SUGCT: variants seen among roughly 807,000 people sequenced by gnomAD.
SUGCT encodes the protein succinyl-CoA:glutarate-CoA transferase, also known as succinyl-CoA:glutarate CoA-transferase.
In SUGCT, 41 loss-of-function variants were observed where a neutral mutation model predicts 55.0. The ratio of observed to expected loss-of-function variants is 0.74; its 90% CI spans 0.58 to 0.97. The LOEUF (loss-of-function observed/expected upper bound fraction) is 0.97, where lower values mean the gene tolerates loss of function less well. Ranked by LOEUF, SUGCT falls within the 50% of genes least tolerant of loss-of-function variation. The probability of loss-of-function intolerance (pLI) is 0.00; values close to 1 mark genes in which losing one functional copy is unlikely to be tolerated. For missense variants in SUGCT, 568 were observed against 547.8 expected, an observed-to-expected ratio of 1.04 and a Z score of -0.37; for synonymous variants, 187 against 200.4, an observed-to-expected ratio of 0.93 and a Z score of 0.56.
chr7:40,942,443 T>G, the SUGCT span, among the ~76,000 whole-genome samples: 2 of 152,168 alleles, frequency 1.3e-5, no homozygotes, highest in South Asian at 4.1e-4. Context: ...GCTAGTCTGG[T>G]AGGTTTTCCT....
chr7:40,930,133 A>C, the SUGCT span, among the ~76,000 whole-genome samples: 1 of 152,172 alleles, frequency 6.6e-6, no homozygotes, highest in South Asian at 2.1e-4. Context: ...TCAGCTTTCT[A>C]CATATGGCTA....
At chr7:40,768,596 T>C (rs892575858) in intron 13 of SUGCT, among the ~76,000 whole-genome samples, 3 of 152,110 alleles carry the variant, frequency 2.0e-5, no homozygotes, top group African/African-American at 7.2e-5. Flanking sequence ...ACATGACCAA[T>C]AGCAAACGTT....
chr7:41,009,323 A>C, the SUGCT span, among the ~76,000 whole-genome samples: 1 of 152,146 alleles, frequency 6.6e-6, no homozygotes, highest in South Asian at 2.1e-4. Context: ...TGATTTTTAT[A>C]CCCAGGGCTC....
intron 12 of SUGCT, among the ~76,000 whole-genome samples, chr7:40,675,268 A>C (rs79590460): frequency 0.012 from 1,766 of 152,240 alleles, 34 homozygotes; most frequent in African/African-American, 0.04. Context: ...CATGTTGGCC[A>C]GTCTAGTCTC....
At chr7:40,699,350 G>A (rs555286119) in intron 12 of SUGCT, among the ~76,000 whole-genome samples, 1 of 152,242 alleles carries the variant, frequency 6.6e-6, no homozygotes, top group South Asian at 2.1e-4. Context: ...GTAGGTTTGT[G>A]TGTGCAGATG....
intron 9 of SUGCT, among the ~76,000 whole-genome samples, chr7:40,355,659 A>T (rs1307373336): frequency 1.3e-5 from 2 of 152,232 alleles, no homozygotes; most frequent in African/African-American, 4.8e-5. Flanking sequence ...ATAATTTAGT[A>T]TTATTTATAA....
At chr7:40,585,464 T>C (rs1449926229) in intron 12 of SUGCT, among the ~76,000 whole-genome samples, 3 of 152,158 alleles carry the variant, frequency 2.0e-5, no homozygotes, top group Non-Finnish European at 4.4e-5. Flanking sequence ...TTGAGACAAA[T>C]CTAGGAAGAA....
intron 13 of SUGCT, among the ~76,000 whole-genome samples, chr7:40,773,429 G>T (rs1309963634): frequency 6.6e-6 from 1 of 152,112 alleles, no homozygotes; most frequent in East Asian, 1.9e-4. Context: ...GTGCCCGGCC[G>T]TATCTTTTTA....
chr7:40,941,332 C>T, the SUGCT span, among the ~76,000 whole-genome samples: 14 of 152,024 alleles, frequency 9.2e-5, no homozygotes, highest in East Asian at 2.7e-3. Flanking sequence ...CATTGTCAAC[C>T]CCAAAATCAC....
At chr7:40,265,819 C>A (rs1176199269) in intron 7 of SUGCT, among the ~76,000 whole-genome samples, 1 of 152,116 alleles carries the variant, frequency 6.6e-6, no homozygotes, top group Admixed American at 6.6e-5. Context: ...GGCATGATGG[C>A]ATGTGCCTGT....
intron 8 of SUGCT, among the ~76,000 whole-genome samples, chr7:40,283,093 A>G (rs1296512840): frequency 6.6e-6 from 1 of 152,210 alleles, no homozygotes; most frequent in Admixed American, 6.5e-5. Flanking sequence ...CAGAGTGAAG[A>G]GACAACTTAC....
chr7:40,147,891 C>T (rs1469099620), intron 1 of SUGCT, among the ~76,000 whole-genome samples: 1 of 152,202 alleles, frequency 6.6e-6, no homozygotes, highest in African/African-American at 2.4e-5. Flanking sequence ...TAATTCTCAG[C>T]AAGGCAATGT....
chr7:40,952,383 C>A, the SUGCT span, among the ~76,000 whole-genome samples: 1 of 152,170 alleles, frequency 6.6e-6, no homozygotes, highest in Admixed American at 6.5e-5. Context: ...ATACAGCACA[C>A]TGATAGATCT....
rs1267593841 is a variant in SUGCT at position 40,690,452 on chromosome 7, T to C, written c.1090-58982T>C. Among the ~76,000 whole-genome samples the C allele has an allele frequency of 2.6e-5, 4 of 152,188 alleles. No homozygotes were observed. In the East Asian group the frequency reaches 7.7e-4, roughly 29 times the overall value. On this transcript the variant is annotated intron_variant, in intron 12 of 13. Coordinates refer to ENST00000335693, the MANE Select transcript of SUGCT (RefSeq NM_001193313.2). ...TGTTAATTATTGCCCAATACATTAA[T>C]TATATTAATAGGTATATTATGCTTA...
intron 7 of SUGCT, among the ~76,000 whole-genome samples, chr7:40,254,132 C>T (rs976686377): frequency 3.9e-5 from 6 of 152,058 alleles, no homozygotes; most frequent in Non-Finnish European, 7.4e-5. Flanking sequence ...GAAGGAAAGC[C>T]GAAAGAAGAG....
At chr7:40,958,336 A>G in the SUGCT span, among the ~76,000 whole-genome samples, 105 of 151,932 alleles carry the variant, frequency 6.9e-4, no homozygotes, top group Middle Eastern at 3.4e-3. Context: ...ATAGTCCCGT[A>G]TTTTTTGGAG....
chr7:40,452,629 C>A, intron 10 of SUGCT, among the ~76,000 whole-genome samples: 1 of 152,124 alleles, frequency 6.6e-6, no homozygotes, highest in East Asian at 1.9e-4. Flanking sequence ...TTAATCTTTT[C>A]TAAGCATCTG....
chr7:40,195,082 G>T (rs1171285203), intron 6 of SUGCT, 22 bp downstream of exon 6: 5 of 1,591,414 alleles, frequency 3.1e-6, no homozygotes, highest in East Asian at 2.3e-5. Flanking sequence ...CCACACCCTT[G>T]TCAGTTAAAA....
At chr7:40,541,307 A>G (rs1794664907) in intron 12 of SUGCT, among the ~76,000 whole-genome samples, 4 of 152,330 alleles carry the variant, frequency 2.6e-5, no homozygotes, top group African/African-American at 7.2e-5. Flanking sequence ...GGGGGCCAAC[A>G]TGGACTGCTG....
Sources: allele counts gnomAD v4.1 joint callset (sites outside exome capture counted in the v4.1 genomes callset), GRCh38; gene constraint gnomAD v4.1.1; transcripts MANE v1.5; gene names NCBI Gene and HGNC (gene_info 2026-07-23, HGNC 2026-07-21).